LCN15: variants seen among roughly 807,000 people sequenced by gnomAD.
LCN15 encodes the protein lipocalin-15.
In LCN15, 26 loss-of-function variants were observed where a neutral mutation model predicts 23.1. The ratio of observed to expected loss-of-function variants is 1.13; its 90% confidence interval spans 0.82 to 1.56. The LOEUF is 1.56. Ranked by LOEUF, LCN15 falls within the 40% of genes most tolerant of loss-of-function variation. The pLI is 0.00. For missense variants in LCN15, 241 were observed against 239.5 expected, an observed-to-expected ratio of 1.01 and a Z score of -0.04; for synonymous variants, 107 against 98.3, an observed-to-expected ratio of 1.09 and a Z score of -0.52.
At position 136,763,887 on chromosome 9, in the gene LCN15, G is replaced by A. The variant is rs761205199; in HGVS notation, c.219C>T (p.Val73=). 2 of 1,613,652 alleles carry A rather than the reference G, an allele frequency of 1.2e-6. No individual in the cohort carries two copies. The highest frequency in any genetic ancestry group is 1.3e-5 in the African/African-American group (1 of 75,028). Residue 73 remains valine, a synonymous_variant, in exon 2 of 7, where the codon GTC becomes GTT. Transcript: ENST00000316144. ...TAACTCACCCCGGGAACTCCATGTG[G>A]ACGTGGAGGCCGCCCTCCTCTGTGG... ...IRPTEEGGLH[V]HMEFPGADGC...
rs1452224785 is a variant in LCN15, at chr9:136,763,945, T to C, written c.161A>G (p.Asp54Gly). ...GGCCCTGGTGGACATGGACAGGTGG[T>C]CCTTCTTGCCCAGGAAGACCCTGCA... ...SDCRVFLGKK[D>G]HLSMSTRAIR... Residue 54 changes from aspartate (D) to glycine (G), a missense_variant, in exon 2 of 7, where the codon GAC becomes GGC. Asp to Gly is a moderately conservative substitution (Grantham distance 94). Coordinates refer to ENST00000316144, the MANE Select transcript of LCN15 (RefSeq NM_203347.2). The C allele has an allele frequency of 5.0e-6, 8 of 1,613,394 alleles. No homozygotes were observed. The highest frequency in any genetic ancestry group is 3.4e-6 in the Non-Finnish European group (4 of 1,179,978).
intron 5 of LCN15, 84 bp downstream of exon 5, chr9:136,762,104 T>C (rs923308974): frequency 2.2e-6 from 2 of 896,922 alleles, no homozygotes; most frequent in East Asian, 5.9e-5. Flanking sequence ...ACACTGCCTG[T>C]GCTGTGAGGG....
At chr9:136,763,580 G>C in intron 3 of LCN15, 113 bp from the exon 4 acceptor site, 1 of 1,219,360 alleles carries the variant, frequency 8.2e-7, no homozygotes, top group Non-Finnish European at 1.2e-6. Flanking sequence ...CGAAGACAGA[G>C]GAGGGGCGGG....
At chr9:136,763,596 C>A (rs921667854) in intron 3 of LCN15, 117 bp downstream of exon 3, 2 of 1,036,332 alleles carry the variant, frequency 1.9e-6, no homozygotes, top group Non-Finnish European at 1.4e-6. Context: ...GCGGGGAGGG[C>A]GGGCAGGGGG....
In LCN15 at chr9:136,763,444, T is replaced by G; in HGVS notation, c.331A>C (p.Ile111Leu). ...AAGGAGCTGTAGTCTGTGTCCACGATGCGCACGTCCAGGTAGCCCAAGGCT... is the reference window on the plus strand; with the variant it reads ...AAGGAGCTGTAGTCTGTGTCCACGAGGCGCACGTCCAGGTAGCCCAAGGCT... The part of the protein sequence containing the change: ...VPALGYLDVR[I>L]VDTDYSSFAV... The change falls in exon 4 of 7, where the codon ATC becomes CTC. Residue 111 changes from isoleucine (I) to leucine (L), a missense_variant. Physicochemically the swap from Ile to Leu is conservative, Grantham distance 5. Coordinates refer to ENST00000316144, the MANE Select transcript of LCN15 (RefSeq NM_203347.2). 1 of 1,609,074 alleles carries G rather than the reference T, an allele frequency of 6.2e-7. No individual in the cohort carries two copies. Among genetic ancestry groups the G allele is most frequent in the Non-Finnish European group, 8.5e-7 (1 of 1,178,252 alleles).
rs748960932 is a variant in LCN15 at position 136,763,354 on chromosome 9, C to CA, written c.418+2dup. On this transcript the variant is annotated splice_region_variant and intron_variant, in intron 4 of 6. Transcript: ENST00000316144. ...AGTGCGGGGAGGTGGGACAGGCACT[C>CA]ACTGTAGAGCTGCACCATGGTGCTG... is the stretch of plus-strand genomic sequence containing the variant. The CA allele has an allele frequency of 6.6e-7, 1 of 1,512,682 alleles. No homozygotes were observed. The highest frequency in any genetic ancestry group is 2.3e-5 in the East Asian group (1 of 43,332). The allele number at this position is 1,512,682 out of a possible 1,614,324, so 93.7% of individuals were successfully genotyped here.
chr9:136,763,543 C>G (rs1195897785), intron 3 of LCN15, 76 bp from the exon 4 acceptor site: 2 of 1,238,440 alleles, frequency 1.6e-6, no homozygotes, highest in Non-Finnish European at 2.3e-6. Flanking sequence ...ATGCCTGCCC[C>G]TGCTGCTGGG....
chr9:136,762,140 G>C (rs1399186888), intron 5 of LCN15, 48 bp downstream of exon 5: 2 of 1,177,238 alleles, frequency 1.7e-6, no homozygotes, highest in Non-Finnish European at 2.4e-6. Context: ...TCATGGGAAG[G>C]GAGGGAGAGG....
rs112689111 is a variant in LCN15, at chr9:136,763,096, C to A, written c.418+261G>T. ...AGCACGGCGGGCCCAGCTCCCACCCCACCCGGTCCTGGCCAGGCCAGGAGT... is the reference window on the plus strand; with the variant it reads ...AGCACGGCGGGCCCAGCTCCCACCCAACCCGGTCCTGGCCAGGCCAGGAGT... On this transcript the variant is annotated intron_variant, in intron 4 of 6. Coordinates refer to ENST00000316144, the MANE Select transcript of LCN15 (RefSeq NM_203347.2). 7.7e-3 allele frequency among the ~76,000 whole-genome samples: 1,167 copies of A among 151,730 alleles called. 19 individuals carry two copies. Among genetic ancestry groups the A allele is most frequent in the African/African-American group, 0.027 (1,115 of 41,310 alleles).
In LCN15 at chr9:136,763,475, GAGGC is replaced by G. The variant is rs971219770; in HGVS notation, c.308-12_308-9del. The G allele has an allele frequency of 6.3e-7, 1 of 1,581,820 alleles. No homozygotes were observed. Among genetic ancestry groups the G allele is most frequent in the African/African-American group, 1.3e-5 (1 of 74,256 alleles). On this transcript the variant is annotated splice_polypyrimidine_tract_variant and intron_variant, in intron 3 of 6. Transcript: ENST00000316144. ...CGTCCAGGTAGCCCAAGGCTGCGGA[GAGGC>G]AGGCGGCCTTTTCAGGCTGGAGAAG... is the stretch of plus-strand genomic sequence containing the variant.
intron 5 of LCN15, 27 bp downstream of exon 5, chr9:136,762,161 T>C (rs1283084053): frequency 2.7e-6 from 3 of 1,130,140 alleles, no homozygotes; most frequent in Non-Finnish European, 3.5e-6. Context: ...CTGGGGGGCA[T>C]GGGGTGGGCG....
chr9:136,759,904 C>T (rs1847295483), intron 6 of LCN15, 121 bp from the exon 7 acceptor site: 1 of 152,340 alleles, frequency 6.6e-6, no homozygotes, highest in Non-Finnish European at 1.5e-5. Flanking sequence ...AGAGCTCATT[C>T]TGCTCCCAAA....
rs1376163626 is a variant in LCN15 at position 136,761,306 on chromosome 9, G to C, written c.*32+481C>G. On this transcript the variant is annotated intron_variant, in intron 6 of 6. Coordinates refer to ENST00000316144, the MANE Select transcript of LCN15 (RefSeq NM_203347.2). This position sits in a 1 kb window ranked among gnomAD's most constrained non-coding sequence, Gnocchi z 4.2. ...ATGGAGTTTCTCTCTTGTCACCCAG[G>C]CTGGACTGTAATGGTGCAATCTCGG... is the stretch of plus-strand genomic sequence containing the variant. 1.3e-5 allele frequency among the ~76,000 whole-genome samples: 2 copies of C among 152,208 alleles called. No homozygotes were observed. Among genetic ancestry groups the C allele is most frequent in the Non-Finnish European group, 2.9e-5 (2 of 68,032 alleles).
intron 6 of LCN15, among the ~76,000 whole-genome samples, chr9:136,760,089 C>T (rs1057339599): frequency 1.3e-5 from 2 of 152,232 alleles, no homozygotes; most frequent in African/African-American, 2.4e-5. Flanking sequence ...GCCTGGTCCT[C>T]GGTGAAGGGG....
intron 6 of LCN15, among the ~76,000 whole-genome samples, chr9:136,760,937 T>C (rs1013747211): frequency 1.3e-5 from 2 of 152,220 alleles, no homozygotes; most frequent in Admixed American, 6.5e-5. Flanking sequence ...GATTAGATCA[T>C]CCTGCATTTA....
In LCN15 at chr9:136,763,325, G is replaced by A. The variant is rs200345017; in HGVS notation, c.418+32C>T. On this transcript the variant is annotated intron_variant, in intron 4 of 6. Coordinates refer to ENST00000316144, the MANE Select transcript of LCN15 (RefSeq NM_203347.2). ...CGGGGCCTGTGGGAAGTTGGGGAGG[G>A]GCCAGTGCGGGGAGGTGGGACAGGC... 405 of 1,248,580 alleles carry A rather than the reference G, an allele frequency of 3.2e-4. 1 individual carries two copies. The highest frequency in any genetic ancestry group is 4.1e-4 in the Non-Finnish European group (373 of 904,136). 77.3% of individuals were successfully genotyped at this position (1,248,580 alleles called of 1,614,324 possible). A position where few individuals can be genotyped will look rare whatever the true frequency, so the allele number is the denominator to read the frequency against.
intron 6 of LCN15, among the ~76,000 whole-genome samples, chr9:136,760,251 A>G (rs1212164073): frequency 6.6e-6 from 1 of 152,224 alleles, no homozygotes. Flanking sequence ...TTCTGCCCAC[A>G]GAACCTTCTG....
chr9:136,762,034 G>A (rs1345317136), intron 5 of LCN15, among the ~76,000 whole-genome samples, 154 bp downstream of exon 5: 4 of 152,192 alleles, frequency 2.6e-5, no homozygotes, highest in Non-Finnish European at 4.4e-5. Flanking sequence ...GGGGGAGGTG[G>A]GGTAGGGGCT....
chr9:136,763,567 C>T lies in LCN15; in HGVS notation c.308-100G>A, dbSNP rs1218475717. ...CCTGCTGCTGGGCTGTGAGCCTGTT[C>T]CCCGAAGACAGAGGAGGGGCGGGGA... On this transcript the variant is annotated intron_variant, in intron 3 of 6. Transcript: ENST00000316144. 4.0e-6 allele frequency: 5 copies of T among 1,241,118 alleles called. No individual in the cohort carries two copies. The African/African-American group carries it at 4.5e-5, about 11-fold the overall frequency. The allele number at this position is 1,241,118 out of a possible 1,614,324, so 76.9% of individuals were successfully genotyped here. A position where few individuals can be genotyped will look rare whatever the true frequency, so the allele number is the denominator to read the frequency against.
Sources: gnomAD v4.1 joint callset for allele counts (sites outside exome capture counted in the v4.1 genomes callset) on GRCh38, gnomAD v4.1.1 for gene constraint, Gnocchi (gnomAD v3.1) non-coding constraint, MANE v1.5 for transcripts, NCBI Gene and HGNC (gene_info 2026-07-23, HGNC 2026-07-21) for gene names.